ARHGAP39: variants seen among roughly 807,000 people sequenced by gnomAD.
ARHGAP39 encodes the protein rho GTPase-activating protein 39.
ARHGAP39 carries 44 observed loss-of-function variants against 106.9 expected under a neutral mutation model. The ratio of observed to expected loss-of-function variants is 0.41; its 90% CI spans 0.32 to 0.53. The LOEUF (loss-of-function observed/expected upper bound fraction) is 0.53, where lower values mean the gene tolerates loss of function less well. Ranked by LOEUF, ARHGAP39 falls within the 20% of genes least tolerant of loss-of-function variation. The pLI is 0.21. For missense variants in ARHGAP39, 1,496 were observed against 1,577.3 expected (o/e 0.95, Z 0.87); for synonymous variants, 768 against 693.2 (o/e 1.11, Z -1.69).
rs1418271738 is a variant in ARHGAP39 at position 144,561,903 on chromosome 8, C to G, written c.513-6260G>C. Among the ~76,000 whole-genome samples, 4 of 148,912 alleles carry G rather than the reference C, an allele frequency of 2.7e-5. No homozygotes were observed. The East Asian group carries it at 8.0e-4, about 30-fold the overall frequency. ...TCACACTCCAGTGGTTTCCATCGCA[C>G]TCCAGTGGTTTCCATCACACTCCAG... On this transcript the variant is annotated intron_variant, in intron 3 of 11. Coordinates refer to ENST00000377307, the MANE Select transcript of ARHGAP39 (RefSeq NM_025251.3).
rs1412650730 is a variant in ARHGAP39, at chr8:144,670,119, C to T, written c.-82+15567G>A. ...CGGAACGTCCCTCAGCAATAAAAAG[C>T]AACAGAGCTCGGATGCATGCTAGAG... On this transcript the variant is annotated intron_variant, in intron 1 of 11. Coordinates refer to ENST00000377307, the MANE Select transcript of ARHGAP39 (RefSeq NM_025251.3). The surrounding 1 kb of genome is among the most constrained non-coding windows in gnomAD (Gnocchi z 4.4). Among the ~76,000 whole-genome samples, 1 of 152,180 alleles carries T rather than the reference C, an allele frequency of 6.6e-6. No individual in the cohort carries two copies. The highest frequency in any genetic ancestry group is 1.9e-4 in the East Asian group (1 of 5,196).
chr8:144,552,814 CT>C (rs905914614), intron 4 of ARHGAP39, among the ~76,000 whole-genome samples: 1 of 151,650 alleles, frequency 6.6e-6, no homozygotes, highest in Admixed American at 6.6e-5. Context: ...TTTTTTTTCC[CT>C]GAGCGAACTG....
At chr8:144,630,885 G>C (rs995806750) in intron 1 of ARHGAP39, among the ~76,000 whole-genome samples, 1 of 152,248 alleles carries the variant, frequency 6.6e-6, no homozygotes, top group Non-Finnish European at 1.5e-5. Flanking sequence ...GGCCATTCTT[G>C]CATTGCTATA....
chr8:144,646,992 CAG>C lies in ARHGAP39; in HGVS notation c.-82+38692_-82+38693del, dbSNP rs1310915013. Among the ~76,000 whole-genome samples, 2 of 132,052 alleles carry C rather than the reference CAG, an allele frequency of 1.5e-5. No homozygotes were observed. The highest frequency in any genetic ancestry group is 3.1e-5 in the Non-Finnish European group (2 of 64,304). 86.6% of individuals were successfully genotyped at this position (132,052 alleles called of 152,430 possible). ...TTTTTTTTTTTTTTTTTTTTTGAGACAGAGTCTCGCTTTATAGCCAGGCTGGA... is the reference window on the plus strand; with the variant it reads ...TTTTTTTTTTTTTTTTTTTTTGAGACAGTCTCGCTTTATAGCCAGGCTGGA... On this transcript the variant is annotated intron_variant, in intron 1 of 11. Transcript: ENST00000377307. This position sits in a 1 kb window ranked among gnomAD's most constrained non-coding sequence, Gnocchi z 5.7.
At chr8:144,556,924 T>C (rs1229491044) in intron 3 of ARHGAP39, among the ~76,000 whole-genome samples, 2 of 133,620 alleles carry the variant, frequency 1.5e-5, no homozygotes, top group African/African-American at 6.9e-5. Context: ...TGAACCTTCA[T>C]AGTATTCAGA....
At chr8:144,555,944 G>A (rs1297268676) in intron 3 of ARHGAP39, among the ~76,000 whole-genome samples, 1 of 152,210 alleles carries the variant, frequency 6.6e-6, no homozygotes, top group Non-Finnish European at 1.5e-5. Flanking sequence ...GAGAATCACA[G>A]CTTCAGCCAG....
intron 3 of ARHGAP39, among the ~76,000 whole-genome samples, chr8:144,564,560 A>G (rs1818321817): frequency 6.6e-6 from 1 of 152,260 alleles, no homozygotes; most frequent in Admixed American, 6.5e-5. Context: ...ATTAACAGTT[A>G]CTAAAGTTGT....
At chr8:144,581,324 C>T (rs1432985647) in intron 2 of ARHGAP39, 47 bp from the exon 3 acceptor site, 6 of 1,495,044 alleles carry the variant, frequency 4.0e-6, no homozygotes, top group African/African-American at 1.4e-5. Flanking sequence ...GCGGCCTGGG[C>T]CCGCGCCTCC....
chr8:144,667,518 A>G (rs1821993860), intron 1 of ARHGAP39, among the ~76,000 whole-genome samples: 1 of 152,218 alleles, frequency 6.6e-6, no homozygotes, highest in Non-Finnish European at 1.5e-5. Context: ...CCAAGAGAGC[A>G]GGGGCTTGGC....
chr8:144,605,827 G>A (rs891071526), intron 1 of ARHGAP39, 132 bp from the exon 2 acceptor site: 55 of 590,526 alleles, frequency 9.3e-5, no homozygotes, highest in African/African-American at 4.3e-4. Flanking sequence ...AGCCGCCCCC[G>A]GGCAGCCAAC....
intron 2 of ARHGAP39, among the ~76,000 whole-genome samples, chr8:144,601,323 G>C (rs1433138831): frequency 2.9e-5 from 4 of 136,804 alleles, no homozygotes; most frequent in African/African-American, 1.1e-4. Context: ...TGTGTGTGTG[G>C]AGGCGTGTGT....
At chr8:144,544,192 T>C (rs1817308192) in intron 6 of ARHGAP39, among the ~76,000 whole-genome samples, 1 of 152,224 alleles carries the variant, frequency 6.6e-6, no homozygotes, top group Admixed American at 6.5e-5. Flanking sequence ...TGAAACTGCA[T>C]GGCTTCCAAA....
intron 3 of ARHGAP39, among the ~76,000 whole-genome samples, chr8:144,560,441 A>C (rs1818100134): frequency 1.3e-5 from 2 of 152,256 alleles, no homozygotes; most frequent in African/African-American, 4.8e-5. Context: ...TCTCAAAAAA[A>C]CAAAACAAAA....
At chr8:144,676,943 T>C (rs1342846020) in intron 1 of ARHGAP39, among the ~76,000 whole-genome samples, 1 of 152,260 alleles carries the variant, frequency 6.6e-6, no homozygotes, top group African/African-American at 2.4e-5. Context: ...CTAATTTTTG[T>C]ACTTTTAGTA....
chr8:144,546,355 T>C (rs1017858443), intron 5 of ARHGAP39, among the ~76,000 whole-genome samples: 21 of 152,160 alleles, frequency 1.4e-4, no homozygotes, highest in Non-Finnish European at 1.5e-5. Context: ...CCTCTTGTCC[T>C]GCATCTTGAG....
At chr8:144,667,018 C>T (rs1179663206) in intron 1 of ARHGAP39, among the ~76,000 whole-genome samples, 1 of 152,198 alleles carries the variant, frequency 6.6e-6, no homozygotes, top group Non-Finnish European at 1.5e-5. Context: ...CAAGTTTCTG[C>T]TACAGATTAA....
In ARHGAP39 at chr8:144,545,649, C is replaced by T. The variant is rs1342069199; in HGVS notation, c.2121G>A (p.Gln707=). The T allele has an allele frequency of 1.2e-6, 2 of 1,613,678 alleles. No individual in the cohort carries two copies. The highest frequency in any genetic ancestry group is 1.7e-6 in the Non-Finnish European group (2 of 1,180,032). Residue 707 remains glutamine (Q), a synonymous_variant, in exon 6 of 12, where the codon CAG becomes CAA. Transcript: ENST00000377307. ...WASKHFNKHT[Q]GLFRRKVSIA... ...TGGACACCTTCCGCCGGAAGAGGCCCTGCGTGTGCTTGTTGAAGTGCTTGG... is the reference window on the plus strand; with the variant it reads ...TGGACACCTTCCGCCGGAAGAGGCCTTGCGTGTGCTTGTTGAAGTGCTTGG...
chr8:144,691,314 G>A, the ARHGAP39 span, among the ~76,000 whole-genome samples: 1 of 152,288 alleles, frequency 6.6e-6, no homozygotes, highest in African/African-American at 2.4e-5. Flanking sequence ...TGTCTGCCCT[G>A]TGTCTGCTGG....
chr8:144,598,176 G>A (rs1214517393), intron 2 of ARHGAP39, among the ~76,000 whole-genome samples: 1 of 152,210 alleles, frequency 6.6e-6, no homozygotes, highest in Non-Finnish European at 1.5e-5. Flanking sequence ...TCCGCATTGC[G>A]TGTAAAGGGG....
Sources: gnomAD v4.1 joint callset for allele counts (sites outside exome capture counted in the v4.1 genomes callset) on GRCh38, gnomAD v4.1.1 for gene constraint, Gnocchi (gnomAD v3.1) non-coding constraint, MANE v1.5 for transcripts, NCBI Gene and HGNC (gene_info 2026-07-23, HGNC 2026-07-21) for gene names.